SIN3A: variants seen among roughly 807,000 people sequenced by gnomAD.
SIN3A encodes SIN3 transcription regulator family member A, also known as paired amphipathic helix protein Sin3a.
Under a neutral mutation model 146.1 loss-of-function variants are expected in SIN3A, and 14 were observed. The observed-to-expected ratio is 0.10, with a 90% confidence interval of 0.06 to 0.15. SIN3A has a LOEUF of 0.15. Ranked by LOEUF, SIN3A falls within the 10% of genes least tolerant of loss-of-function variation. SIN3A has a pLI of 1.00. For synonymous variants in SIN3A, 572 were observed against 572.0 expected (o/e 1.00, Z 0.00); for missense variants, 1,028 against 1,576.0 (o/e 0.65, Z 5.89).
intron 3 of SIN3A, chr15:75,415,854 G>GGAA (rs765088910): frequency 2.1e-5 from 2 of 96,256 alleles, no homozygotes; most frequent in Non-Finnish European, 2.0e-5. Context: ...TCGGTCTCAG[G>GGAA]AAAAAAAAAA....
chr15:75,410,408 T>C, intron 6 of SIN3A, 122 bp from the exon 7 acceptor site: 1 of 965,664 alleles, frequency 1.0e-6, no homozygotes, highest in Non-Finnish European at 1.5e-6. Flanking sequence ...TCTATGTTCT[T>C]AGCACCCGTT....
chr15:75,381,517 G>A (rs1237524886), intron 18 of SIN3A, 96 bp downstream of exon 18: 3 of 864,404 alleles, frequency 3.5e-6, no homozygotes, highest in African/African-American at 1.7e-5. Flanking sequence ...CAGGCCTGAG[G>A]TGCCTTGGCC....
At chr15:75,381,158 C>G (rs79203572) in intron 18 of SIN3A, 3,395 of 176,562 alleles carry the variant, frequency 0.019, 195 homozygotes, top group Admixed American at 0.11. Context: ...CCCACACGAC[C>G]CCCCCCAACA....
chr15:75,402,632 T>G (rs2073432533), intron 9 of SIN3A, among the ~76,000 whole-genome samples: 1 of 152,206 alleles, frequency 6.6e-6, no homozygotes, highest in African/African-American at 2.4e-5. Context: ...ATAAGGAGTT[T>G]TTTTGTTTTG....
chr15:75,376,859 TAA>T (rs200318256), intron 19 of SIN3A, among the ~76,000 whole-genome samples: 9 of 115,796 alleles, frequency 7.8e-5, no homozygotes, highest in Non-Finnish European at 9.1e-5. Flanking sequence ...GACACTGTCT[TAA>T]AAAAAAAAAA....
rs765341672 is a variant in SIN3A, at chr15:75,371,954, C to T, written c.*25G>A. 1.0e-5 allele frequency: 16 copies of T among 1,603,264 alleles called. No individual in the cohort carries two copies. Among genetic ancestry groups the T allele is most frequent in the Middle Eastern group, 1.7e-4 (1 of 6,060 alleles). On this transcript the variant is annotated 3_prime_UTR_variant, in exon 21 of 21. Transcript: ENST00000394947. ...CACACACACATCCCCACACACACCC[C>T]AAGTTATCTGCTCTGGCTTTGCAGT...
chr15:75,425,930 G>A (rs1348296159), intron 2 of SIN3A, among the ~76,000 whole-genome samples: 2 of 152,140 alleles, frequency 1.3e-5, no homozygotes, highest in Non-Finnish European at 2.9e-5. Context: ...AAGCAACTAT[G>A]CATAAATCCA....
rs572684116 is a variant in SIN3A, at chr15:75,430,029, T to A, written c.189+158A>T. On this transcript the variant is annotated intron_variant, in intron 2 of 20. Transcript: ENST00000394947. Reference sequence around the variant, plus strand: ...AAAGGTCATGACAACATTCTTTTTTTAAAAACTTGTATGGTGAGTACACAG... The same window carrying A: ...AAAGGTCATGACAACATTCTTTTTTAAAAAACTTGTATGGTGAGTACACAG... 349 of 621,404 alleles carry A rather than the reference T, an allele frequency of 5.6e-4. No individual in the cohort carries two copies. The African/African-American group carries it at 5.8e-3, about 10-fold the overall frequency. 38.5% of individuals were successfully genotyped at this position (621,404 alleles called of 1,614,324 possible). A position where few individuals can be genotyped will look rare whatever the true frequency, so the allele number is the denominator to read the frequency against.
At chr15:75,440,704 C>A (rs919167045) in intron 1 of SIN3A, among the ~76,000 whole-genome samples, 6 of 151,838 alleles carry the variant, frequency 4.0e-5, no homozygotes, top group African/African-American at 1.5e-4. Flanking sequence ...AACAAGGGGT[C>A]GGGCGCGGTG....
chr15:75,380,364 C>A (rs192502818), intron 19 of SIN3A, among the ~76,000 whole-genome samples: 19 of 152,282 alleles, frequency 1.2e-4, no homozygotes, highest in Non-Finnish European at 2.4e-4. Flanking sequence ...CCTCTTCCAT[C>A]GAACCATGGA....
intron 13 of SIN3A, 72 bp from the exon 14 acceptor site, chr15:75,394,935 CTTACT>C: frequency 7.0e-7 from 1 of 1,436,032 alleles, no homozygotes; most frequent in Non-Finnish European, 9.4e-7. Flanking sequence ...ATTTGCCAGG[CTTACT>C]TTAGTTAAAG....
chr15:75,417,976 A>G (rs929254508), intron 3 of SIN3A, among the ~76,000 whole-genome samples: 4 of 152,008 alleles, frequency 2.6e-5, no homozygotes, highest in Middle Eastern at 3.2e-3. Flanking sequence ...TCAGGCCCTC[A>G]CCAGACACCA....
At chr15:75,433,418 T>C (rs556209151) in intron 1 of SIN3A, among the ~76,000 whole-genome samples, 2 of 152,184 alleles carry the variant, frequency 1.3e-5, no homozygotes, top group African/African-American at 2.4e-5. Flanking sequence ...CTTTTGGCTG[T>C]TAAAATATCG....
intron 11 of SIN3A, 98 bp from the exon 12 acceptor site, chr15:75,400,254 G>A: frequency 1.5e-6 from 1 of 684,766 alleles, no homozygotes; most frequent in African/African-American, 1.8e-5. Flanking sequence ...CAGAGAAATA[G>A]GCAACTAATA....
chr15:75,372,117 T>C lies in SIN3A; in HGVS notation c.3684A>G (p.Ala1228=). ...TKEHVPREMA[A]ETSKWLMGEG... is the part of the protein sequence containing the mutation. ...CACCCATGAGCCACTTGCTGGTCTCTGCTGCCATTTCACGGGGCACATGCT... is the reference window on the plus strand; with the variant it reads ...CACCCATGAGCCACTTGCTGGTCTCCGCTGCCATTTCACGGGGCACATGCT... The change falls in exon 21 of 21, where the codon GCA becomes GCG. Residue 1228 remains alanine, a synonymous_variant. Transcript: ENST00000394947. The C allele has an allele frequency of 6.2e-7, 1 of 1,614,226 alleles. No individual in the cohort carries two copies. Among genetic ancestry groups the C allele is most frequent in the Admixed American group, 1.7e-5 (1 of 60,022 alleles).
intron 2 of SIN3A, among the ~76,000 whole-genome samples, chr15:75,425,651 A>G (rs1486472149): frequency 2.0e-5 from 3 of 152,166 alleles, no homozygotes; most frequent in Non-Finnish European, 2.9e-5. Context: ...CTTTCCTTCT[A>G]TATCTATTTC....
In SIN3A at chr15:75,388,416, G is replaced by T. The variant is rs185665341; in HGVS notation, c.3021+1236C>A. The T allele has an allele frequency of 7.9e-5, 12 of 152,438 alleles. 1 individual carries two copies. Among genetic ancestry groups the T allele is most frequent in the Admixed American group, 7.8e-4 (12 of 15,294 alleles). The allele number at this position is 152,438 out of a possible 1,614,324, so 9.4% of individuals were successfully genotyped here. A position where few individuals can be genotyped will look rare whatever the true frequency, so the allele number is the denominator to read the frequency against. On this transcript the variant is annotated intron_variant, in intron 16 of 20. Coordinates refer to ENST00000394947, the MANE Select transcript of SIN3A (RefSeq NM_001145358.2). The stretch of plus-strand genomic sequence containing the variant: ...TGCATCTGGACCCATCTGACCCATG[G>T]TAAGCTGCCCCACAGTGAGGTACCA...
At chr15:75,402,581 CA>C (rs2073431181) in intron 9 of SIN3A, among the ~76,000 whole-genome samples, 1 of 152,014 alleles carries the variant, frequency 6.6e-6, no homozygotes. Flanking sequence ...ACTAAGGAAT[CA>C]ACGTTAGTGT....
chr15:75,413,222 G>A (rs561855071), intron 4 of SIN3A, among the ~76,000 whole-genome samples, 177 bp from the exon 5 acceptor site: 2 of 152,214 alleles, frequency 1.3e-5, no homozygotes, highest in East Asian at 3.9e-4. Flanking sequence ...CCGAGTTCAA[G>A]TGATTCTCCT....
Sources: allele counts gnomAD v4.1 joint callset (sites outside exome capture counted in the v4.1 genomes callset), GRCh38; gene constraint gnomAD v4.1.1; transcripts MANE v1.5; gene names NCBI Gene and HGNC (gene_info 2026-07-23, HGNC 2026-07-21).